The following TCEA1 variants were observed in gnomAD, a reference collection of about 807,000 sequenced individuals.
TCEA1 encodes the protein transcription elongation factor A1, also known as transcription elongation factor A protein 1.
A neutral mutation model predicts 43.8 loss-of-function variants in TCEA1; 21 were observed. That is an observed-to-expected ratio of 0.48 (90% CI 0.34 to 0.69). The LOEUF (loss-of-function observed/expected upper bound fraction) is 0.69. Ranked by LOEUF, TCEA1 falls within the 30% of genes least tolerant of loss-of-function variation. The pLI, the probability that TCEA1 is intolerant of heterozygous loss-of-function variation, is 0.01. For synonymous variants in TCEA1, 104 were observed against 117.5 expected (o/e 0.88, Z 0.75); for missense variants, 250 against 365.1 (o/e 0.68, Z 2.57).
intron 7 of TCEA1, among the ~76,000 whole-genome samples, chr8:53,981,095 G>A (rs149988421): frequency 1.3e-4 from 20 of 152,284 alleles, no homozygotes; most frequent in South Asian, 2.1e-4. Context: ...GGAAGCTGCC[G>A]AAGAAAAGTC....
Position 53,984,679 on chromosome 8 carries a change from C to T in TCEA1, c.524-162G>A, listed in dbSNP as rs187812195. 4.6e-5 allele frequency among the ~76,000 whole-genome samples: 7 copies of T among 152,064 alleles called. No individual in the cohort carries two copies. The East Asian group carries it at 9.7e-4, about 21-fold the overall frequency. On this transcript the variant is annotated intron_variant, in intron 6 of 9. Transcript: ENST00000521604. ...CTGGTGGATCACGAGGTCAGGAGAT[C>T]GAGACCATCCCGGCTAACATGATGA...
chr8:53,994,776 CAGA>C (rs1399889004), intron 3 of TCEA1, among the ~76,000 whole-genome samples: 1 of 151,726 alleles, frequency 6.6e-6, no homozygotes, highest in Admixed American at 6.6e-5. Flanking sequence ...GAGGCTGAGG[CAGA>C]AGAATAGCTT....
chr8:53,985,587 G>A (rs1165176740), intron 6 of TCEA1, among the ~76,000 whole-genome samples: 1 of 152,072 alleles, frequency 6.6e-6, no homozygotes, highest in Non-Finnish European at 1.5e-5. Flanking sequence ...ACCTCAGCAG[G>A]CTCTTCTTCT....
At position 53,993,685 on chromosome 8, in the gene TCEA1, A is replaced by AG; in HGVS notation, c.302dup (p.Glu102Ter). The AG allele has an allele frequency of 6.2e-7, 1 of 1,613,414 alleles. No homozygotes were observed. Among genetic ancestry groups the AG allele is most frequent in the Admixed American group, 1.7e-5 (1 of 59,948 alleles). ...TGAAGTACCTTTCTTCTCTTGCCTCAGGGCTGTTCTGCGATGTAATTGCAG... is the reference window on the plus strand; with the variant it reads ...TGAAGTACCTTTCTTCTCTTGCCTCAGGGGCTGTTCTGCGATGTAATTGCAG... On this transcript the variant is annotated frameshift_variant, in exon 4 of 10. Transcript: ENST00000521604. LOFTEE classifies it high-confidence loss of function.
At chr8:54,014,280 G>A (rs1329169334) in intron 1 of TCEA1, among the ~76,000 whole-genome samples, 1 of 152,026 alleles carries the variant, frequency 6.6e-6, no homozygotes, top group Non-Finnish European at 1.5e-5. Context: ...ACAAGAAGCT[G>A]TATTTTAGCC....
chr8:53,979,800 T>C (rs1803449588), intron 7 of TCEA1, among the ~76,000 whole-genome samples: 1 of 152,146 alleles, frequency 6.6e-6, no homozygotes, highest in Non-Finnish European at 1.5e-5. Flanking sequence ...GAACCTGAGA[T>C]TGGTTTTTTG....
chr8:54,003,458 T>C (rs755402395), intron 2 of TCEA1, among the ~76,000 whole-genome samples: 2 of 152,162 alleles, frequency 1.3e-5, no homozygotes, highest in African/African-American at 2.4e-5. Flanking sequence ...CAATTCCCTA[T>C]AGTAACCAAG....
chr8:53,970,836 CAT>C (rs1424469094), intron 8 of TCEA1, among the ~76,000 whole-genome samples: 4 of 152,108 alleles, frequency 2.6e-5, no homozygotes, highest in South Asian at 2.1e-4. Context: ...TAAATTTAAA[CAT>C]ATGTCAATAT....
Position 53,967,497 on chromosome 8 carries a change from C to T in TCEA1, c.*607G>A, listed in dbSNP as rs1040206790. ...AGTAATATACATGTACAAGAAATTA[C>T]AAGAAATGATGATCACGGTTAGTTA... On this transcript the variant is annotated 3_prime_UTR_variant, in exon 10 of 10. Coordinates refer to ENST00000521604, the MANE Select transcript of TCEA1 (RefSeq NM_006756.4). 4 of 200,216 alleles carry T rather than the reference C, an allele frequency of 2.0e-5. No homozygotes were observed. The highest frequency in any genetic ancestry group is 4.1e-5 in the Non-Finnish European group (4 of 97,422). The allele number at this position is 200,216 out of a possible 1,614,324, so 12.4% of individuals were successfully genotyped here.
intron 3 of TCEA1, among the ~76,000 whole-genome samples, chr8:53,995,294 C>CAAAAAAAA (rs925755044): frequency 1.7e-5 from 1 of 57,932 alleles, no homozygotes; most frequent in Non-Finnish European, 3.8e-5. Flanking sequence ...GACTCTGTCT[C>CAAAAAAAA]AAAAAAAAAA....
intron 7 of TCEA1, among the ~76,000 whole-genome samples, chr8:53,980,454 A>C (rs1052644960): frequency 6.6e-6 from 1 of 152,234 alleles, no homozygotes; most frequent in African/African-American, 2.4e-5. Context: ...TTCCAAAAGC[A>C]TGTGCTCATT....
At chr8:54,003,119 G>A (rs1165791151) in intron 2 of TCEA1, 1 of 455,554 alleles carries the variant, frequency 2.2e-6, no homozygotes, top group Non-Finnish European at 4.4e-6. Context: ...TATAGCTACT[G>A]TACAGCTACT....
At chr8:53,999,581 G>A (rs1804187633) in intron 3 of TCEA1, 1 of 203,340 alleles carries the variant, frequency 4.9e-6, no homozygotes, top group Admixed American at 5.9e-5. Context: ...ATTAAAAATT[G>A]ATGATATGGA....
intron 8 of TCEA1, among the ~76,000 whole-genome samples, chr8:53,977,667 T>C (rs949795435): frequency 6.6e-5 from 10 of 151,934 alleles, no homozygotes; most frequent in African/African-American, 1.7e-4. Flanking sequence ...GCAGATAACA[T>C]AGCACAAAAA....
At chr8:53,991,686 C>T (rs1302724378) in intron 4 of TCEA1, among the ~76,000 whole-genome samples, 4 of 151,492 alleles carry the variant, frequency 2.6e-5, no homozygotes, top group Non-Finnish European at 4.4e-5. Context: ...AAGAGTGAAA[C>T]TCTGTCTCAA....
In TCEA1 at chr8:53,979,281, A is replaced by C. The variant is rs897169154; in HGVS notation, c.679-110T>G. The C allele has an allele frequency of 6.0e-6, 7 of 1,166,182 alleles. No homozygotes were observed. In the Admixed American group the frequency reaches 1.8e-4, roughly 31 times the overall value. The allele number at this position is 1,166,182 out of a possible 1,614,324, so 72.2% of individuals were successfully genotyped here. A position where few individuals can be genotyped will look rare whatever the true frequency, so the allele number is the denominator to read the frequency against. On this transcript the variant is annotated intron_variant, in intron 7 of 9. Coordinates refer to ENST00000521604, the MANE Select transcript of TCEA1 (RefSeq NM_006756.4). ...TAATAAAACCACATATCAACCTTTA[A>C]GGTTTTAAAAGCATTAAATTAATAT... is the stretch of plus-strand genomic sequence containing the variant.
intron 4 of TCEA1, among the ~76,000 whole-genome samples, chr8:53,991,318 G>C (rs998567329): frequency 6.6e-6 from 1 of 151,696 alleles, no homozygotes; most frequent in Non-Finnish European, 1.5e-5. Context: ...GCTTGAACCT[G>C]GGGGACAGAG....
chr8:53,985,161 C>T (rs970237598), intron 6 of TCEA1, among the ~76,000 whole-genome samples: 1 of 151,996 alleles, frequency 6.6e-6, no homozygotes, highest in Admixed American at 6.6e-5. Context: ...CGATTATAAG[C>T]GCCTGCCACC....
intron 2 of TCEA1, among the ~76,000 whole-genome samples, chr8:54,001,514 A>C (rs770762364): frequency 6.6e-6 from 1 of 152,220 alleles, no homozygotes; most frequent in African/African-American, 2.4e-5. Context: ...TTAAAGCCCC[A>C]AACAATTTGG....
Sources: gnomAD v4.1 joint callset for allele counts (sites outside exome capture counted in the v4.1 genomes callset) on GRCh38, gnomAD v4.1.1 for gene constraint, MANE v1.5 for transcripts, NCBI Gene and HGNC (gene_info 2026-07-23, HGNC 2026-07-21) for gene names.